Variants in FCHO1 observed in about 807,000 individuals in gnomAD.
FCHO1 encodes FCH and mu domain containing endocytic adaptor 1.
FCHO1 carries 45 observed loss-of-function variants against 114.4 expected under a neutral mutation model. The observed-to-expected ratio is 0.39, with a 90% CI of 0.31 to 0.50. FCHO1 has a LOEUF of 0.50. Among genes scored for constraint, FCHO1 ranks in the 20% least tolerant of loss-of-function variants. The probability of loss-of-function intolerance (pLI) is 0.77; values close to 1 mark genes in which losing one functional copy is unlikely to be tolerated. For synonymous variants in FCHO1, 480 were observed against 488.9 expected (o/e 0.98, Z 0.24); for missense variants, 1,042 against 1,209.6 (o/e 0.86, Z 2.06).
intron 13 of FCHO1, chr19:17,774,790 CT>C: frequency 5.1e-6 from 3 of 582,662 alleles, no homozygotes; most frequent in South Asian, 4.4e-5. Context: ...CTAGCCCCGA[CT>C]TTCCCTATCT....
At chr19:17,765,479 C>T (rs939341175) in intron 6 of FCHO1, among the ~76,000 whole-genome samples, 45 of 151,994 alleles carry the variant, frequency 3.0e-4, no homozygotes, top group African/African-American at 7.2e-4. Flanking sequence ...CGAGACCAGC[C>T]TGGGCAACAT....
upstream of FCHO1, among the ~76,000 whole-genome samples, chr19:17,749,573 G>C (rs2081416226): frequency 6.6e-6 from 1 of 152,136 alleles, no homozygotes; most frequent in Non-Finnish European, 1.5e-5. Context: ...AAGTGAGGAA[G>C]AGGGAGGGGA....
At chr19:17,750,455 A>AGTTTT (rs1309127308), upstream of FCHO1, among the ~76,000 whole-genome samples, 6 of 152,078 alleles carry the variant, frequency 3.9e-5, no homozygotes, top group South Asian at 2.1e-4. Flanking sequence ...TGTAAAATAC[A>AGTTTT]GTTTTGTTTT....
At chr19:17,753,154 T>C (rs1194790058) in intron 1 of FCHO1, among the ~76,000 whole-genome samples, 26 of 152,118 alleles carry the variant, frequency 1.7e-4, no homozygotes, top group East Asian at 1.9e-4. Flanking sequence ...TCTAAGAGAT[T>C]TGGAGATGCT....
intron 28 of FCHO1, 29 bp from the exon 29 acceptor site, chr19:17,788,255 C>T: frequency 6.9e-7 from 1 of 1,440,262 alleles, no homozygotes; most frequent in Non-Finnish European, 9.7e-7. Flanking sequence ...TCCTCCCCAC[C>T]CCTCCCCCTC....
chr19:17,776,729 C>G lies in FCHO1; in HGVS notation c.1259+43C>G, dbSNP rs1365303549. On this transcript the variant is annotated intron_variant, in intron 18 of 28. Transcript: ENST00000596536. This position sits in a 1 kb window ranked among gnomAD's most constrained non-coding sequence, Gnocchi z 4.4. ...GGGCAGGTGGGGGCTGTCCCCACCT[C>G]CTCCCTCCACCTCCCCATGTCTCCG... is the stretch of plus-strand genomic sequence containing the variant. 1.3e-6 allele frequency: 2 copies of G among 1,527,322 alleles called. No individual in the cohort carries two copies. The highest frequency in any genetic ancestry group is 9.1e-7 in the Non-Finnish European group (1 of 1,103,594). The allele number at this position is 1,527,322 out of a possible 1,614,324, so 94.6% of individuals were successfully genotyped here.
chr19:17,760,207 C>T (rs367545188), intron 4 of FCHO1, among the ~76,000 whole-genome samples: 8 of 152,076 alleles, frequency 5.3e-5, no homozygotes, highest in African/African-American at 1.2e-4. Context: ...TGTGCCACCA[C>T]GCCTGGCTAA....
intron 6 of FCHO1, among the ~76,000 whole-genome samples, chr19:17,766,105 C>G (rs560738416): frequency 2.6e-5 from 4 of 151,160 alleles, no homozygotes; most frequent in South Asian, 2.1e-4. Context: ...AGCCAGGATG[C>G]TCTCTCAATC....
chr19:17,765,664 C>T (rs1268425187), intron 6 of FCHO1, among the ~76,000 whole-genome samples: 2 of 151,650 alleles, frequency 1.3e-5, no homozygotes, highest in African/African-American at 4.8e-5. Flanking sequence ...CAGAGCCAGA[C>T]CATGCCTCAA....
chr19:17,766,479 A>T (rs1213705500), intron 6 of FCHO1, 190 bp from the exon 7 acceptor site: 2 of 643,418 alleles, frequency 3.1e-6, no homozygotes, highest in East Asian at 5.8e-5. Flanking sequence ...GGAGCTATAG[A>T]GCTCCCTATG....
intron 5 of FCHO1, among the ~76,000 whole-genome samples, chr19:17,763,577 TTC>T (rs1181351154): frequency 2.0e-5 from 3 of 146,730 alleles, no homozygotes; most frequent in African/African-American, 2.5e-5. Flanking sequence ...TTTTTTTTTT[TTC>T]TTTTTGGAGA....
At chr19:17,766,096 G>C (rs1036060209) in intron 6 of FCHO1, among the ~76,000 whole-genome samples, 59 of 151,356 alleles carry the variant, frequency 3.9e-4, no homozygotes, top group African/African-American at 1.4e-3. Flanking sequence ...CACCATGTTA[G>C]CCAGGATGCT....
At chr19:17,772,174 TTGTGTGTG>T (rs10537480) in intron 9 of FCHO1, among the ~76,000 whole-genome samples, 1 of 150,932 alleles carries the variant, frequency 6.6e-6, no homozygotes, top group African/African-American at 2.4e-5. Flanking sequence ...AGACATCCCC[TTGTGTGTG>T]TGTGTGTGTG....
At position 17,774,225 on chromosome 19, in the gene FCHO1, G is replaced by T. The variant is rs767042284; in HGVS notation, c.791-14G>T. On this transcript the variant is annotated splice_polypyrimidine_tract_variant and intron_variant, in intron 11 of 28. Transcript: ENST00000596536. Reference sequence around the variant, plus strand: ...TGCCCAGCCCCTCAATTGAGTTTCCGTCTCCTGTCTCAGGACCTCTGGACT... The same window carrying T: ...TGCCCAGCCCCTCAATTGAGTTTCCTTCTCCTGTCTCAGGACCTCTGGACT... The T allele has an allele frequency of 6.2e-7, 1 of 1,613,732 alleles. No individual in the cohort carries two copies. Among genetic ancestry groups the T allele is most frequent in the South Asian group, 1.1e-5 (1 of 91,078 alleles).
In FCHO1 at chr19:17,788,287, T is replaced by C; in HGVS notation, c.2651T>C (p.Met884Thr). The stretch of plus-strand genomic sequence containing the variant: ...CCTCACAGCTGCACCCCCACAGGGA[T>C]GTACCTGGTGAGCTGCTGAACCCGC... ...SLVKRRFATGMYLVSC is the reference protein window; with the variant it reads ...SLVKRRFATGTYLVSC Residue 884 changes from methionine to threonine, a missense_variant, in exon 29 of 29, where the codon ATG (methionine) becomes ACG (threonine). Physicochemically the swap from Met to Thr is moderately conservative, Grantham distance 81 (BLOSUM62 -1). Around this residue, in one of 3 missense-constraint regions of FCHO1, gnomAD observed 137 missense variants for 190.0 expected, o/e 0.72. Coordinates refer to ENST00000596536, the MANE Select transcript of FCHO1 (RefSeq NM_015122.3). 1 of 1,341,654 alleles carries C rather than the reference T, an allele frequency of 7.5e-7. No individual in the cohort carries two copies. The highest frequency in any genetic ancestry group is 9.9e-7 in the Non-Finnish European group (1 of 1,015,038). 83.1% of individuals were successfully genotyped at this position (1,341,654 alleles called of 1,614,324 possible).
At chr19:17,782,589 G>T (rs144457944) in intron 23 of FCHO1, among the ~76,000 whole-genome samples, 10 of 152,290 alleles carry the variant, frequency 6.6e-5, no homozygotes, top group African/African-American at 2.4e-4. Context: ...AATACTAGAA[G>T]TTAGGCCCAG....
chr19:17,787,917 G>A, intron 28 of FCHO1, 71 bp downstream of exon 28: 3 of 1,521,820 alleles, frequency 2.0e-6, no homozygotes, highest in African/African-American at 1.4e-5. Flanking sequence ...CGGGGTGTGG[G>A]GAGGGATTGG....
intron 9 of FCHO1, among the ~76,000 whole-genome samples, chr19:17,771,575 C>T (rs1351338161): frequency 2.0e-5 from 3 of 151,036 alleles, no homozygotes; most frequent in Non-Finnish European, 4.4e-5. Context: ...AGGCTGAGGC[C>T]GGAGAATGGC....
At chr19:17,770,735 G>C in intron 8 of FCHO1, 57 bp from the exon 9 acceptor site, 2 of 1,588,782 alleles carry the variant, frequency 1.3e-6, no homozygotes, top group South Asian at 2.2e-5. Context: ...GATGGGGCCT[G>C]GGGGAGGCCC....
Sources: allele counts gnomAD v4.1 joint callset (sites outside exome capture counted in the v4.1 genomes callset), GRCh38; gene constraint gnomAD v4.1.1; regional missense constraint gnomAD v4.1.1; non-coding constraint Gnocchi (gnomAD v3.1); transcripts MANE v1.5; gene names NCBI Gene and HGNC (gene_info 2026-07-23, HGNC 2026-07-21).